The following ARRB1 variants were observed in gnomAD, a reference collection of about 807,000 sequenced individuals.
ARRB1 encodes the protein arrestin beta 1.
Under a neutral mutation model 56.8 loss-of-function variants are expected in ARRB1, and 21 were observed. The observed-to-expected ratio is 0.37, with a 90% CI of 0.26 to 0.53. The LOEUF is 0.53. ARRB1 is among the 20% of genes least tolerant of loss of function. The pLI, the probability that ARRB1 is intolerant of heterozygous loss-of-function variation, is 0.88. For missense variants in ARRB1, 424 were observed against 553.7 expected, an observed-to-expected ratio of 0.77 and a Z score of 2.35; for synonymous variants, 210 against 218.6, an observed-to-expected ratio of 0.96 and a Z score of 0.35.
At chr11:75,269,933 C>T (rs559812684) in intron 13 of ARRB1, among the ~76,000 whole-genome samples, 2 of 152,334 alleles carry the variant, frequency 1.3e-5, no homozygotes, top group African/African-American at 4.8e-5. Flanking sequence ...CACCCAACTG[C>T]GAGTGCCTAC....
intron 1 of ARRB1, among the ~76,000 whole-genome samples, chr11:75,334,929 G>GT (rs11284367): frequency 4.7e-5 from 7 of 150,118 alleles, no homozygotes; most frequent in South Asian, 2.1e-4. Flanking sequence ...AGCTTGGAAG[G>GT]TTTTTTTTTT....
intron 1 of ARRB1, among the ~76,000 whole-genome samples, chr11:75,341,945 G>C (rs530152218): frequency 2.0e-5 from 3 of 152,178 alleles, no homozygotes; most frequent in African/African-American, 7.2e-5. Context: ...AAGCTGTCCC[G>C]CCAGAATCAC....
Position 75,277,406 on chromosome 11 carries a change from T to C in ARRB1, c.661A>G (p.Thr221Ala), listed in dbSNP as rs1463060885. ...TTCACCGTCTTGTTGGTGTTGTTGG[T>C]GACGTGGACGTTGACGCTGATGGGT... ...GEPISVNVHVTNNTNKTVKKI... is the reference protein window; with the variant it reads ...GEPISVNVHVANNTNKTVKKI... The change falls in exon 9 of 16, where the codon ACC becomes GCC. Residue 221 changes from threonine (T) to alanine (A), a missense_variant. Physicochemically the swap from Thr to Ala is moderately conservative, Grantham distance 58. This residue lies in a region of ARRB1 where 301 missense variants were observed against 387.9 expected (regional missense o/e 0.78). Transcript: ENST00000420843. 6.2e-7 allele frequency: 1 copy of C among 1,614,170 alleles called. No individual in the cohort carries two copies. The highest frequency in any genetic ancestry group is 1.7e-5 in the Admixed American group (1 of 60,028).
At position 75,263,753 on chromosome 11, in the gene ARRB1, AAAAG is replaced by A. The variant is rs1945850356; in HGVS notation, c.*2406_*2409del. 2.0e-5 allele frequency among the ~76,000 whole-genome samples: 3 copies of A among 152,146 alleles called. No individual in the cohort carries two copies. Among genetic ancestry groups the A allele is most frequent in the Admixed American group, 6.5e-5 (1 of 15,274 alleles). ...CTGGCTCCAGGAGAAAAAAAAAAAA[AAAAG>A]ATAGTGCTCTGATCCTTCCCTGCAG... On this transcript the variant is annotated 3_prime_UTR_variant, in exon 16 of 16. Coordinates refer to ENST00000420843, the MANE Select transcript of ARRB1 (RefSeq NM_004041.5).
At chr11:75,312,846 G>A (rs924642343) in intron 1 of ARRB1, among the ~76,000 whole-genome samples, 2 of 152,240 alleles carry the variant, frequency 1.3e-5, no homozygotes, top group African/African-American at 4.8e-5. Context: ...GCCAGCAGAG[G>A]CAAGGGAATG....
At chr11:75,274,690 G>A (rs1371562876) in intron 10 of ARRB1, 1 of 154,578 alleles carries the variant, frequency 6.5e-6, no homozygotes, top group Non-Finnish European at 1.4e-5. Flanking sequence ...TACTCAGGAG[G>A]CTGAGCCAGG....
At chr11:75,298,007 C>T (rs1946802754) in intron 1 of ARRB1, among the ~76,000 whole-genome samples, 1 of 148,422 alleles carries the variant, frequency 6.7e-6, no homozygotes, top group Non-Finnish European at 1.5e-5. Context: ...AGATATGACA[C>T]CAAAAGCACA....
intron 1 of ARRB1, among the ~76,000 whole-genome samples, chr11:75,303,036 C>G (rs1262494916): frequency 6.6e-6 from 1 of 151,998 alleles, no homozygotes; most frequent in East Asian, 1.9e-4. Flanking sequence ...GAGTCTCGCT[C>G]TGTCACCCAG....
At chr11:75,324,325 C>A (rs1947395282) in intron 1 of ARRB1, among the ~76,000 whole-genome samples, 1 of 152,202 alleles carries the variant, frequency 6.6e-6, no homozygotes, top group African/African-American at 2.4e-5. Context: ...CAGCGCCTAG[C>A]ACACAGCAGG....
intron 1 of ARRB1, among the ~76,000 whole-genome samples, chr11:75,294,588 A>G (rs1946683466): frequency 2.2e-5 from 2 of 92,586 alleles, no homozygotes; most frequent in Non-Finnish European, 4.3e-5. Context: ...TAAATAAATA[A>G]ATAAATAAAT....
intron 11 of ARRB1, 61 bp from the exon 12 acceptor site, chr11:75,273,039 G>A: frequency 8.2e-6 from 12 of 1,472,060 alleles, no homozygotes; most frequent in African/African-American, 1.4e-5. Flanking sequence ...GACACCTCAG[G>A]GGTGGGTATG....
At chr11:75,271,647 G>A (rs922673631) in intron 13 of ARRB1, 54 bp downstream of exon 13, 5 of 1,531,208 alleles carry the variant, frequency 3.3e-6, no homozygotes, top group African/African-American at 2.8e-5. Flanking sequence ...TCAAGCCAAT[G>A]GGCTCCAGGC....
At position 75,274,130 on chromosome 11, in the gene ARRB1, G is replaced by A. The variant is rs770084534; in HGVS notation, c.858C>T (p.Gly286=). The change falls in exon 11 of 16, where the codon GGC becomes GGT. Residue 286 remains glycine, a synonymous_variant. Coordinates refer to ENST00000420843, the MANE Select transcript of ARRB1 (RefSeq NM_004041.5). ...GCTTGAGCTTCCCGTCCAAGGCGAG[G>A]CCCCGCTTCTCTCGGTTATTGGCTA... ...PFLANNREKR[G]LALDGKLKHE... 2.5e-6 allele frequency: 4 copies of A among 1,614,078 alleles called. No homozygotes were observed. The East Asian group carries it at 8.9e-5, about 36-fold the overall frequency.
intron 13 of ARRB1, among the ~76,000 whole-genome samples, chr11:75,270,077 G>A (rs1454247343): frequency 1.3e-5 from 2 of 152,252 alleles, no homozygotes; most frequent in Non-Finnish European, 2.9e-5. Flanking sequence ...GCCACCCGCT[G>A]GTGCAGCACT....
chr11:75,276,666 TG>T (rs1946206450), intron 10 of ARRB1, among the ~76,000 whole-genome samples, 172 bp downstream of exon 10: 1 of 152,172 alleles, frequency 6.6e-6, no homozygotes, highest in Admixed American at 6.5e-5. Flanking sequence ...CTAAATCAGG[TG>T]GATGGTTTCT....
At chr11:75,319,148 AC>A (rs1947307493) in intron 1 of ARRB1, among the ~76,000 whole-genome samples, 1 of 152,068 alleles carries the variant, frequency 6.6e-6, no homozygotes, top group Non-Finnish European at 1.5e-5. Context: ...ACCTGCTTGA[AC>A]CACAGCTGGC....
chr11:75,267,437 C>G (rs1306218656), intron 15 of ARRB1, among the ~76,000 whole-genome samples: 1 of 152,106 alleles, frequency 6.6e-6, no homozygotes, highest in South Asian at 2.1e-4. Context: ...GAAGACAGAC[C>G]CCACCAAGGC....
intron 8 of ARRB1, 126 bp from the exon 9 acceptor site, chr11:75,277,574 TC>T (rs781427006): frequency 2.5e-6 from 2 of 803,124 alleles, no homozygotes; most frequent in Non-Finnish European, 4.2e-6. Context: ...TTCAGAAGGG[TC>T]TGCTGCTCCC....
At chr11:75,274,401 C>T (rs1451573188) in intron 10 of ARRB1, 190 bp from the exon 11 acceptor site, 6 of 626,678 alleles carry the variant, frequency 9.6e-6, no homozygotes, top group South Asian at 2.0e-5. Context: ...TCAAAAGAGG[C>T]ACATCTACAT....
Sources: gnomAD v4.1 joint callset for allele counts (sites outside exome capture counted in the v4.1 genomes callset) on GRCh38, gnomAD v4.1.1 for gene constraint, gnomAD v4.1.1 regional missense constraint, MANE v1.5 for transcripts, NCBI Gene and HGNC (gene_info 2026-07-23, HGNC 2026-07-21) for gene names.